Variants in FGF14 observed in about 807,000 individuals in gnomAD.
The protein encoded by FGF14 is fibroblast growth factor 14.
In FGF14, 5 loss-of-function variants were observed where a neutral mutation model predicts 25.5. The observed-to-expected ratio is 0.20, with a 90% CI of 0.10 to 0.41. FGF14 has a LOEUF of 0.41. Among genes scored for constraint, FGF14 ranks in the 10% least tolerant of loss-of-function variants. FGF14 has a pLI of 1.00. For synonymous variants in FGF14, 138 were observed against 118.3 expected (o/e 1.17, Z -1.08); for missense variants, 222 against 320.1 (o/e 0.69, Z 2.34).
At chr13:102,175,808 T>A (rs566293693) in intron 1 of FGF14, among the ~76,000 whole-genome samples, 1 of 151,774 alleles carries the variant, frequency 6.6e-6, no homozygotes, top group East Asian at 1.9e-4. Context: ...CCAACAAACA[T>A]GAAAAAAATG....
At chr13:102,327,963 A>T (rs1304373781) in intron 1 of FGF14, among the ~76,000 whole-genome samples, 1 of 128,404 alleles carries the variant, frequency 7.8e-6, no homozygotes, top group East Asian at 2.3e-4. Context: ...AGGATAAAAG[A>T]ACCTGGAAGG....
chr13:102,069,383 A>C (rs1287055541), intron 1 of FGF14, among the ~76,000 whole-genome samples: 4 of 152,214 alleles, frequency 2.6e-5, no homozygotes, highest in Non-Finnish European at 4.4e-5. Flanking sequence ...GGGTGGGGCC[A>C]GATAAGAGAA....
At chr13:102,234,765 T>C (rs1483082127) in intron 1 of FGF14, among the ~76,000 whole-genome samples, 2 of 152,196 alleles carry the variant, frequency 1.3e-5, no homozygotes, top group South Asian at 2.1e-4. Context: ...AAATTACATC[T>C]GAGCTTATGA....
chr13:102,218,484 C>A (rs777346174), intron 1 of FGF14, among the ~76,000 whole-genome samples: 3 of 151,082 alleles, frequency 2.0e-5, no homozygotes, highest in Non-Finnish European at 4.4e-5. Flanking sequence ...TTGTGGAGAA[C>A]TCGGAATCTT....
intron 1 of FGF14, among the ~76,000 whole-genome samples, chr13:102,306,283 T>C (rs992917504): frequency 6.6e-6 from 1 of 152,078 alleles, no homozygotes; most frequent in African/African-American, 2.4e-5. Flanking sequence ...CTGTATTTGG[T>C]GCTAAGGATA....
At chr13:101,884,376 T>G (rs914250633) in intron 1 of FGF14, among the ~76,000 whole-genome samples, 4 of 152,010 alleles carry the variant, frequency 2.6e-5, no homozygotes, top group African/African-American at 9.7e-5. Context: ...TTTTCAACAA[T>G]TTGTGGGGCT....
intron 1 of FGF14, among the ~76,000 whole-genome samples, chr13:102,379,189 TC>T (rs2058117981): frequency 6.6e-6 from 1 of 152,110 alleles, no homozygotes; most frequent in Non-Finnish European, 1.5e-5. Flanking sequence ...CTGAAAGAGC[TC>T]TACTTTCAAG....
At chr13:102,301,831 C>CACACA (rs1255577080) in intron 1 of FGF14, among the ~76,000 whole-genome samples, 1 of 79,770 alleles carries the variant, frequency 1.3e-5, no homozygotes, top group Non-Finnish European at 2.5e-5. Context: ...GTACTTCACA[C>CACACA]ACACACACAC....
intron 2 of FGF14, among the ~76,000 whole-genome samples, chr13:101,871,142 TATA>T (rs1379895831): frequency 1.3e-5 from 2 of 152,124 alleles, no homozygotes; most frequent in African/African-American, 4.8e-5. Flanking sequence ...TTAATTGAGA[TATA>T]ATTTTATTTC....
At chr13:101,796,362 C>T (rs1047768427) in intron 3 of FGF14, among the ~76,000 whole-genome samples, 18 of 152,100 alleles carry the variant, frequency 1.2e-4, no homozygotes, top group African/African-American at 4.1e-4. Context: ...TCTTGGTGCT[C>T]ACCTTCCATA....
chr13:101,833,594 T>G (rs1323325333), intron 3 of FGF14, among the ~76,000 whole-genome samples: 1 of 152,046 alleles, frequency 6.6e-6, no homozygotes, highest in Non-Finnish European at 1.5e-5. Flanking sequence ...TATATAGAAA[T>G]ACTGCTCTGT....
At chr13:102,058,044 T>C (rs1256367897) in intron 1 of FGF14, among the ~76,000 whole-genome samples, 1 of 152,192 alleles carries the variant, frequency 6.6e-6, no homozygotes, top group East Asian at 1.9e-4. Context: ...TCAAGGCAGA[T>C]GGACCTGAAA....
chr13:102,024,146 T>G (rs2040808897), intron 1 of FGF14, among the ~76,000 whole-genome samples: 1 of 152,048 alleles, frequency 6.6e-6, no homozygotes, highest in African/African-American at 2.4e-5. Context: ...TATATAAAAA[T>G]TTTCCTAGAA....
chr13:102,292,275 T>C (rs1005463597), intron 1 of FGF14: 1 of 50,446 alleles, frequency 2.0e-5, no homozygotes, highest in Non-Finnish European at 3.3e-5. Flanking sequence ...TTATACTCTA[T>C]AGCAAAAAAA....
intron 1 of FGF14, among the ~76,000 whole-genome samples, chr13:102,240,001 C>A (rs985880382): frequency 6.6e-6 from 1 of 152,102 alleles, no homozygotes; most frequent in Non-Finnish European, 1.5e-5. Context: ...TGGGGAAAGG[C>A]TCTCTTTAAA....
At chr13:101,834,035 T>C (rs73561270) in intron 3 of FGF14, among the ~76,000 whole-genome samples, 1,956 of 152,216 alleles carry the variant, frequency 0.013, 51 homozygotes, top group African/African-American at 0.044. Context: ...CTGAAACGAA[T>C]AATATCATAT....
upstream of FGF14, among the ~76,000 whole-genome samples, chr13:101,920,689 C>G (rs370631512): frequency 2.0e-5 from 3 of 152,082 alleles, no homozygotes; most frequent in African/African-American, 7.2e-5. Flanking sequence ...ACCACCCCCC[C>G]ACAGTGGATG....
chr13:101,785,244 C>A (rs2039738546), intron 3 of FGF14, among the ~76,000 whole-genome samples: 1 of 150,308 alleles, frequency 6.7e-6, no homozygotes. Context: ...AGGGAGCATC[C>A]CTTCTGCTTT....
intron 1 of FGF14, among the ~76,000 whole-genome samples, chr13:102,378,663 T>G (rs2058103794): frequency 1.3e-5 from 2 of 151,150 alleles, no homozygotes; most frequent in African/African-American, 4.9e-5. Context: ...TTTTAATCAC[T>G]ACATATTTAA....
Sources: gnomAD v4.1 joint callset for allele counts (sites outside exome capture counted in the v4.1 genomes callset) on GRCh38, gnomAD v4.1.1 for gene constraint, MANE v1.5 for transcripts, NCBI Gene and HGNC (gene_info 2026-07-23, HGNC 2026-07-21) for gene names.